The following ECHDC1 variants were observed in gnomAD, a reference collection of about 807,000 sequenced individuals.
The protein encoded by ECHDC1 is ethylmalonyl-CoA decarboxylase.
ECHDC1 carries 29 observed loss-of-function variants against 29.7 expected under a neutral mutation model. That is an observed-to-expected ratio of 0.98 (90% CI 0.73 to 1.33). The LOEUF (loss-of-function observed/expected upper bound fraction) is 1.33. ECHDC1 is among the 40% of genes most tolerant of loss of function. ECHDC1 has a pLI of 0.00. For synonymous variants in ECHDC1, 126 were observed against 123.1 expected (o/e 1.02, Z -0.15); for missense variants, 328 against 350.0 (o/e 0.94, Z 0.50).
At position 127,290,252 on chromosome 6, in the gene ECHDC1, T is replaced by C. The variant is rs778012757; in HGVS notation, c.523A>G (p.Arg175Gly). ...FRLMTPESKI[R>G]FVHKEMGIIP... ...ATGCCCATCTCTTTGTGGACGAATC[T>C]GATCTTACTCTCTGGAGTCATTAAC... Residue 175 changes from arginine to glycine, a missense_variant, in exon 6 of 6, where the codon AGA (arginine) becomes GGA (glycine). Arg to Gly is a moderately radical substitution (Grantham distance 125, BLOSUM62 -2). Coordinates refer to ENST00000454859, the MANE Select transcript of ECHDC1 (RefSeq NM_001002030.2). 11 of 1,613,374 alleles carry C rather than the reference T, an allele frequency of 6.8e-6. No homozygotes were observed. In the South Asian group the frequency reaches 1.2e-4, roughly 18 times the overall value.
rs1419651546 is a variant in ECHDC1, at chr6:127,305,438, C to G, written c.497+9378G>C. On this transcript the variant is annotated intron_variant, in intron 5 of 5. Coordinates refer to ENST00000454859, the MANE Select transcript of ECHDC1 (RefSeq NM_001002030.2). ...GAAATATTAAAGGGAGCACTCTAAT[C>G]AGAAAGAAAACGATGTCAATGAGCC... Among the ~76,000 whole-genome samples, 6 of 152,188 alleles carry G rather than the reference C, an allele frequency of 3.9e-5. No individual in the cohort carries two copies. In the East Asian group the frequency reaches 1.2e-3, roughly 29 times the overall value.
chr6:127,292,924 A>G (rs1037019999), intron 5 of ECHDC1, among the ~76,000 whole-genome samples: 1 of 151,892 alleles, frequency 6.6e-6, no homozygotes, highest in Non-Finnish European at 1.5e-5. Context: ...TAAAAGAATG[A>G]TAAGTGTCTT....
chr6:127,299,427 GTGTT>G (rs1393363701), intron 5 of ECHDC1, among the ~76,000 whole-genome samples: 1 of 147,984 alleles, frequency 6.8e-6, no homozygotes, highest in Non-Finnish European at 1.5e-5. Context: ...GCTAATGTGT[GTGTT>G]TGTCTTAGCT....
chr6:127,294,899 T>C (rs545739022), intron 5 of ECHDC1, among the ~76,000 whole-genome samples: 1 of 152,026 alleles, frequency 6.6e-6, no homozygotes, highest in Admixed American at 6.6e-5. Context: ...TGTGTGTGCA[T>C]GCATTTATTT....
chr6:127,308,974 G>T (rs1004589587), intron 5 of ECHDC1, among the ~76,000 whole-genome samples: 1 of 152,056 alleles, frequency 6.6e-6, no homozygotes, highest in Non-Finnish European at 1.5e-5. Context: ...AAAATGAAAA[G>T]ATATCCCATG....
chr6:127,339,784 A>C (rs1784758024), intron 1 of ECHDC1, among the ~76,000 whole-genome samples: 2 of 151,958 alleles, frequency 1.3e-5, no homozygotes, highest in Admixed American at 1.3e-4. Context: ...CAAAAAAAAA[A>C]AAAAAGAAAG....
At position 127,327,059 on chromosome 6, in the gene ECHDC1, T is replaced by G; in HGVS notation, c.306A>C (p.Lys102Asn). ...GATCAGATCCTGAAGAGAAAGTATT[T>G]TTTGCCCCACGGACAATGAGGCCTT... ...EGKGLIVRGAKNTFSSGSDLN... is the reference protein window; with the variant it reads ...EGKGLIVRGANNTFSSGSDLN... The change falls in exon 3 of 6, where the codon AAA becomes AAC. Residue 102 changes from lysine (K) to asparagine (N), a missense_variant. Transcript: ENST00000454859. 1 of 1,614,104 alleles carries G rather than the reference T, an allele frequency of 6.2e-7. No homozygotes were observed. The highest frequency in any genetic ancestry group is 8.5e-7 in the Non-Finnish European group (1 of 1,179,986).
intron 5 of ECHDC1, among the ~76,000 whole-genome samples, chr6:127,308,724 T>G (rs1035560052): frequency 1.3e-5 from 2 of 152,170 alleles, no homozygotes; most frequent in Non-Finnish European, 2.9e-5. Flanking sequence ...TATCCTTGTT[T>G]GTAGATTATA....
At chr6:127,311,978 A>C (rs1016350585) in intron 5 of ECHDC1, among the ~76,000 whole-genome samples, 1 of 152,030 alleles carries the variant, frequency 6.6e-6, no homozygotes, top group Non-Finnish European at 1.5e-5. Flanking sequence ...CAAGTTTTTC[A>C]TAAGTGTATA....
intron 2 of ECHDC1, among the ~76,000 whole-genome samples, chr6:127,327,385 A>G (rs1051333335): frequency 3.3e-5 from 5 of 152,310 alleles, no homozygotes; most frequent in South Asian, 4.1e-4. Context: ...ATCTTAAGAA[A>G]TCACATAAAT....
intron 5 of ECHDC1, chr6:127,294,727 C>T (rs1780454334): frequency 6.6e-6 from 1 of 152,080 alleles, no homozygotes. Context: ...CTTGATGTCA[C>T]AGCTCTAAAG....
At chr6:127,296,795 A>C (rs901882594) in intron 5 of ECHDC1, among the ~76,000 whole-genome samples, 1 of 152,120 alleles carries the variant, frequency 6.6e-6, no homozygotes, top group Non-Finnish European at 1.5e-5. Flanking sequence ...ACTTGAGCTC[A>C]CAAGTTTGAG....
At chr6:127,316,578 A>G (rs1782400909) in intron 3 of ECHDC1, 76 bp from the exon 4 acceptor site, 1 of 1,318,514 alleles carries the variant, frequency 7.6e-7, no homozygotes, top group African/African-American at 1.5e-5. Context: ...TTAAGGTTTT[A>G]GAAAGTAATG....
intron 5 of ECHDC1, among the ~76,000 whole-genome samples, chr6:127,292,347 A>AT (rs1049761707): frequency 2.6e-5 from 4 of 151,880 alleles, no homozygotes; most frequent in Non-Finnish European, 2.9e-5. Context: ...CTCTATGGTG[A>AT]TTTTTTTCCA....
intron 3 of ECHDC1, among the ~76,000 whole-genome samples, chr6:127,324,594 C>G (rs1333909421): frequency 6.6e-6 from 1 of 152,184 alleles, no homozygotes; most frequent in African/African-American, 2.4e-5. Flanking sequence ...CTACCATTTT[C>G]CATAACCAGG....
At chr6:127,303,495 A>C (rs2114582718) in intron 5 of ECHDC1, among the ~76,000 whole-genome samples, 1 of 152,342 alleles carries the variant, frequency 6.6e-6, no homozygotes, top group Admixed American at 6.5e-5. Flanking sequence ...CCAAAGGCTA[A>C]TCCAGAACAA....
intron 5 of ECHDC1, among the ~76,000 whole-genome samples, chr6:127,302,613 T>C (rs1311238696): frequency 6.6e-6 from 1 of 152,108 alleles, no homozygotes; most frequent in Admixed American, 6.6e-5. Context: ...TTGGCCAGGC[T>C]GGTCTCGAAC....
intron 2 of ECHDC1, among the ~76,000 whole-genome samples, chr6:127,329,173 T>C (rs1337073606): frequency 3.3e-5 from 5 of 152,216 alleles, no homozygotes; most frequent in South Asian, 4.1e-4. Flanking sequence ...GAAAAATCCA[T>C]ACCAGTAGTT....
At chr6:127,303,969 CACCA>C (rs1781254834) in intron 5 of ECHDC1, among the ~76,000 whole-genome samples, 1 of 152,164 alleles carries the variant, frequency 6.6e-6, no homozygotes, top group Non-Finnish European at 1.5e-5. Context: ...TAGTGGAAAT[CACCA>C]CCCTGCAGGG....
Sources: allele counts gnomAD v4.1 joint callset (sites outside exome capture counted in the v4.1 genomes callset), GRCh38; gene constraint gnomAD v4.1.1; transcripts MANE v1.5; gene names NCBI Gene and HGNC (gene_info 2026-07-23, HGNC 2026-07-21).